Variants in DPY19L1 observed in about 807,000 individuals in gnomAD.
DPY19L1 encodes the protein protein C-mannosyl-transferase DPY19L1.
DPY19L1 carries 35 observed loss-of-function variants against 96.9 expected under a neutral mutation model. That is an observed-to-expected ratio of 0.36 (90% confidence interval 0.28 to 0.48). The LOEUF (loss-of-function observed/expected upper bound fraction) is 0.48. Ranked by LOEUF, DPY19L1 falls within the 20% of genes least tolerant of loss-of-function variation. The probability of loss-of-function intolerance (pLI) is 0.99; values close to 1 mark genes in which losing one functional copy is unlikely to be tolerated. For missense variants in DPY19L1, 521 were observed against 777.9 expected, an observed-to-expected ratio of 0.67 and a Z score of 3.93; for synonymous variants, 205 against 252.6, an observed-to-expected ratio of 0.81 and a Z score of 1.79.
chr7:35,037,673 C>G (rs1462492337), upstream of DPY19L1: 2 of 264,150 alleles, frequency 7.6e-6, no homozygotes, highest in African/African-American at 4.7e-5. Flanking sequence ...CGCCGGGGGG[C>G]GGGGGCGGGG....
chr7:34,940,070 G>A, intron 19 of DPY19L1, 83 bp downstream of exon 19: 4 of 1,259,988 alleles, frequency 3.2e-6, no homozygotes, highest in Non-Finnish European at 4.2e-6. Context: ...AGTAACTAGG[G>A]TTTAAGAGTT....
intron 1 of DPY19L1, among the ~76,000 whole-genome samples, chr7:35,032,076 G>A (rs572967409): frequency 6.6e-6 from 1 of 151,990 alleles, no homozygotes; most frequent in African/African-American, 2.4e-5. Flanking sequence ...CTTTCTACTT[G>A]TTGTTCCTGT....
At position 34,963,638 on chromosome 7, in the gene DPY19L1, C is replaced by T. The variant is rs965797417; in HGVS notation, c.1092+3256G>A. 5.6e-4 allele frequency among the ~76,000 whole-genome samples: 84 copies of T among 148,770 alleles called. 1 individual carries two copies. The highest frequency in any genetic ancestry group is 1.0e-3 in the African/African-American group (40 of 40,052). On this transcript the variant is annotated intron_variant, in intron 10 of 21. Coordinates refer to ENST00000638088, the MANE Select transcript of DPY19L1 (RefSeq NM_001366673.1). ...GTGTGTGTGTGTGCGTGTGTGCACA[C>T]GTGTGTACACACAATGGAATCCAAG...
At position 34,973,217 on chromosome 7, in the gene DPY19L1, A is replaced by G. The variant is rs13310719; in HGVS notation, c.914+297T>C. 3.2e-4 allele frequency among the ~76,000 whole-genome samples: 48 copies of G among 152,292 alleles called. 1 individual carries two copies. In the South Asian group the frequency reaches 7.7e-3, roughly 24 times the overall value. ...TTTACCTTCTTTCTGCTCATTTTCA[A>G]GAGGTTACAGTGGTAACAGAAGAAG... On this transcript the variant is annotated intron_variant, in intron 8 of 21. Coordinates refer to ENST00000638088, the MANE Select transcript of DPY19L1 (RefSeq NM_001366673.1).
intron 7 of DPY19L1, among the ~76,000 whole-genome samples, chr7:34,973,831 T>C (rs1784778882): frequency 6.6e-6 from 1 of 152,082 alleles, no homozygotes; most frequent in African/African-American, 2.4e-5. Context: ...ATATCATGAA[T>C]TGTCAGGAAG....
intron 6 of DPY19L1, among the ~76,000 whole-genome samples, chr7:35,003,712 T>C (rs1785485735): frequency 6.6e-6 from 1 of 152,232 alleles, no homozygotes; most frequent in South Asian, 2.1e-4. Flanking sequence ...GGAATCAGGC[T>C]CCTGGTTGAA....
chr7:34,933,879 A>G (rs899303530), intron 21 of DPY19L1, among the ~76,000 whole-genome samples: 1 of 152,202 alleles, frequency 6.6e-6, no homozygotes, highest in African/African-American at 2.4e-5. Flanking sequence ...TTTGTTCCTC[A>G]GCTTGCAGAT....
chr7:34,962,032 A>G (rs987590895), intron 10 of DPY19L1, among the ~76,000 whole-genome samples: 1 of 152,200 alleles, frequency 6.6e-6, no homozygotes, highest in Non-Finnish European at 1.5e-5. Context: ...TTTGGAAGAC[A>G]GTTTGGCAAT....
intron 10 of DPY19L1, among the ~76,000 whole-genome samples, chr7:34,962,586 C>T (rs1360088188): frequency 3.3e-5 from 5 of 152,292 alleles, no homozygotes; most frequent in Non-Finnish European, 5.9e-5. Context: ...AATCCTAGCA[C>T]TTTGGGAGGC....
chr7:34,972,599 T>C (rs1328218486), intron 8 of DPY19L1, among the ~76,000 whole-genome samples: 1 of 152,044 alleles, frequency 6.6e-6, no homozygotes, highest in Non-Finnish European at 1.5e-5. Flanking sequence ...AATCAAAGAC[T>C]CCTACAGCAC....
chr7:34,959,936 T>C (rs1249081023), intron 10 of DPY19L1, among the ~76,000 whole-genome samples: 1 of 133,962 alleles, frequency 7.5e-6, no homozygotes, highest in African/African-American at 2.6e-5. Context: ...TATATATATA[T>C]ATATATATAT....
intron 14 of DPY19L1, 59 bp downstream of exon 14, chr7:34,949,735 ACTC>A (rs1784231538): frequency 9.9e-7 from 1 of 1,005,514 alleles, no homozygotes; most frequent in Admixed American, 2.2e-5. Context: ...TAAGAGGAGC[ACTC>A]CTTATGAAAA....
At chr7:35,037,760 A>G (rs1786480185), upstream of DPY19L1, 1 of 1,099,526 alleles carries the variant, frequency 9.1e-7, no homozygotes. Context: ...GCCAGCGCGC[A>G]CGCGCGGACT....
At chr7:35,026,506 G>A (rs1318238953) in intron 1 of DPY19L1, among the ~76,000 whole-genome samples, 1 of 152,154 alleles carries the variant, frequency 6.6e-6, no homozygotes, top group African/African-American at 2.4e-5. Flanking sequence ...CACTCTCAGA[G>A]ATCCTGATTC....
rs1376647056 is a variant in DPY19L1 at position 35,013,785 on chromosome 7, G to GA, written c.412-81dup. 7.1e-6 allele frequency: 8 copies of GA among 1,132,414 alleles called. No homozygotes were observed. The African/African-American group carries it at 1.3e-4, about 18-fold the overall frequency. The allele number at this position is 1,132,414 out of a possible 1,614,324, so 70.1% of individuals were successfully genotyped here. On this transcript the variant is annotated intron_variant, in intron 3 of 21. Coordinates refer to ENST00000638088, the MANE Select transcript of DPY19L1 (RefSeq NM_001366673.1). Reference sequence around the variant, plus strand: ...ACTTCTAAGTAAATACACTGTTTTTGAAAAACAAAGCAATTAAGTAATAGC... The same window carrying GA: ...ACTTCTAAGTAAATACACTGTTTTTGAAAAAACAAAGCAATTAAGTAATAGC...
Position 34,999,769 on chromosome 7 carries a change from C to T in DPY19L1, c.765-9828G>A, listed in dbSNP as rs184827445. ...GAGGAATTAATCAGCATACAGAACA[C>T]CAAGGAAAACAAAATATTAGCAATA... is the stretch of plus-strand genomic sequence containing the variant. On this transcript the variant is annotated intron_variant, in intron 6 of 21. Coordinates refer to ENST00000638088, the MANE Select transcript of DPY19L1 (RefSeq NM_001366673.1). Among the ~76,000 whole-genome samples, 699 of 152,128 alleles carry T rather than the reference C, an allele frequency of 4.6e-3. 10 individuals are homozygous for T. Among genetic ancestry groups the T allele is most frequent in the African/African-American group, 0.015 (642 of 41,486 alleles).
At chr7:34,972,503 G>A (rs1350191437) in intron 8 of DPY19L1, among the ~76,000 whole-genome samples, 1 of 152,124 alleles carries the variant, frequency 6.6e-6, no homozygotes, top group Non-Finnish European at 1.5e-5. Flanking sequence ...ACTAGAGACT[G>A]ATGGGCAGTC....
chr7:35,000,031 A>G (rs1366860780), intron 6 of DPY19L1, among the ~76,000 whole-genome samples: 3 of 152,212 alleles, frequency 2.0e-5, no homozygotes, highest in Non-Finnish European at 4.4e-5. Flanking sequence ...AAAAAGTTGA[A>G]TAATGCCAAA....
intron 6 of DPY19L1, among the ~76,000 whole-genome samples, chr7:34,993,473 C>A (rs1279539979): frequency 2.0e-5 from 3 of 151,458 alleles, no homozygotes; most frequent in Non-Finnish European, 4.4e-5. Flanking sequence ...ATTTTTATTA[C>A]TGTAGCATTA....
Sources: allele counts gnomAD v4.1 joint callset (sites outside exome capture counted in the v4.1 genomes callset), GRCh38; gene constraint gnomAD v4.1.1; transcripts MANE v1.5; gene names NCBI Gene and HGNC (gene_info 2026-07-23, HGNC 2026-07-21).